The following CCDC178 variants were observed in gnomAD, a reference collection of about 807,000 sequenced individuals.
CCDC178 encodes coiled-coil domain containing 178, also known as coiled-coil domain-containing protein 178.
Under a neutral mutation model 117.4 loss-of-function variants are expected in CCDC178, and 126 were observed. That is an observed-to-expected ratio of 1.07 (90% CI 0.93 to 1.24). The LOEUF (loss-of-function observed/expected upper bound fraction) is 1.24, where lower values mean the gene tolerates loss of function less well. Among genes scored for constraint, CCDC178 ranks in the 50% most tolerant of loss-of-function variants. The pLI, the probability that CCDC178 is intolerant of heterozygous loss-of-function variation, is 0.00. For synonymous variants in CCDC178, 283 were observed against 313.4 expected, an observed-to-expected ratio of 0.90 and a Z score of 1.02; for missense variants, 1,030 against 986.9, an observed-to-expected ratio of 1.04 and a Z score of -0.59.
At chr18:33,114,079 C>T (rs1344045326) in intron 20 of CCDC178, among the ~76,000 whole-genome samples, 2 of 151,928 alleles carry the variant, frequency 1.3e-5, no homozygotes, top group African/African-American at 4.8e-5. Context: ...AGGAGATTGA[C>T]AAAAAAGAGA....
At chr18:33,163,488 A>AT (rs1333902064) in intron 20 of CCDC178, among the ~76,000 whole-genome samples, 2 of 152,136 alleles carry the variant, frequency 1.3e-5, no homozygotes, top group African/African-American at 4.8e-5. Flanking sequence ...ATCAGAATTC[A>AT]TTTTTCTCAT....
chr18:33,017,931 T>C (rs2056028510), intron 21 of CCDC178, among the ~76,000 whole-genome samples: 2 of 151,748 alleles, frequency 1.3e-5, no homozygotes, highest in Non-Finnish European at 2.9e-5. Flanking sequence ...AAAAGATAGA[T>C]TGAAACTCAA....
At chr18:33,262,251 A>T (rs1479659501) in intron 14 of CCDC178, among the ~76,000 whole-genome samples, 1 of 152,210 alleles carries the variant, frequency 6.6e-6, no homozygotes, top group African/African-American at 2.4e-5. Flanking sequence ...TTTTACATCT[A>T]ACATCTATCT....
intron 20 of CCDC178, among the ~76,000 whole-genome samples, chr18:33,102,646 T>C (rs142817797): frequency 6.6e-6 from 1 of 151,890 alleles, no homozygotes; most frequent in East Asian, 2.0e-4. Context: ...CCTGGTACTG[T>C]TGTTCACATT....
At chr18:32,973,581 C>T (rs142334554) in intron 22 of CCDC178, among the ~76,000 whole-genome samples, 87 of 152,188 alleles carry the variant, frequency 5.7e-4, no homozygotes, top group Admixed American at 2.6e-3. Flanking sequence ...CACACACACA[C>T]ACAATCCTCA....
chr18:33,071,823 C>T (rs1240476132), intron 21 of CCDC178, among the ~76,000 whole-genome samples: 5 of 152,060 alleles, frequency 3.3e-5, no homozygotes, highest in African/African-American at 7.2e-5. Context: ...CAGTCAACTG[C>T]TATTAGATAA....
At chr18:33,395,778 G>C (rs965967140) in intron 4 of CCDC178, among the ~76,000 whole-genome samples, 2 of 152,052 alleles carry the variant, frequency 1.3e-5, no homozygotes, top group Admixed American at 1.3e-4. Flanking sequence ...CAGAGTCAAA[G>C]TAATCAAACA....
intron 14 of CCDC178, among the ~76,000 whole-genome samples, chr18:33,247,130 CAGAG>C (rs2059560498): frequency 6.7e-6 from 1 of 149,592 alleles, no homozygotes; most frequent in Non-Finnish European, 1.5e-5. Context: ...GAGACAGAGA[CAGAG>C]AGAGAAAAGA....
chr18:33,203,770 C>T (rs1402248132), intron 20 of CCDC178, among the ~76,000 whole-genome samples: 2 of 152,202 alleles, frequency 1.3e-5, no homozygotes, highest in Non-Finnish European at 2.9e-5. Context: ...CACCTATCAT[C>T]CTCCTCATTG....
At chr18:33,301,582 G>A (rs1442845191) in intron 11 of CCDC178, among the ~76,000 whole-genome samples, 1 of 152,206 alleles carries the variant, frequency 6.6e-6, no homozygotes, top group Non-Finnish European at 1.5e-5. Context: ...AACTGTCAAG[G>A]TCTTAAAAAC....
chr18:33,047,894 G>T (rs1406987191), intron 21 of CCDC178, among the ~76,000 whole-genome samples: 2 of 152,276 alleles, frequency 1.3e-5, no homozygotes, highest in East Asian at 3.9e-4. Context: ...AAACATAAAA[G>T]ATCAACTTGG....
chr18:32,974,899 A>C (rs907488229), intron 21 of CCDC178, among the ~76,000 whole-genome samples: 1 of 152,110 alleles, frequency 6.6e-6, no homozygotes, highest in Non-Finnish European at 1.5e-5. Context: ...ATGGGGGGTT[A>C]ATTTTCTCTA....
intron 10 of CCDC178, among the ~76,000 whole-genome samples, chr18:33,325,704 C>A (rs1330201955): frequency 6.6e-6 from 1 of 152,058 alleles, no homozygotes; most frequent in African/African-American, 2.4e-5. Context: ...GGAATAATAT[C>A]TACATACAAG....
chr18:33,257,925 C>T (rs1052462370), intron 14 of CCDC178, among the ~76,000 whole-genome samples: 1 of 151,698 alleles, frequency 6.6e-6, no homozygotes, highest in Non-Finnish European at 1.5e-5. Context: ...CCTCTTCATA[C>T]CCTCTATAAG....
chr18:33,027,411 C>G (rs1429313695), intron 21 of CCDC178, among the ~76,000 whole-genome samples: 1 of 151,486 alleles, frequency 6.6e-6, no homozygotes, highest in Non-Finnish European at 1.5e-5. Flanking sequence ...GAAACAGCTA[C>G]AGTTAGAACT....
chr18:33,422,541 A>G (rs2064041171), intron 2 of CCDC178, among the ~76,000 whole-genome samples: 2 of 152,224 alleles, frequency 1.3e-5, no homozygotes, highest in Admixed American at 1.3e-4. Flanking sequence ...ACGGTTCAAA[A>G]TGGAAGGCAC....
intron 21 of CCDC178, among the ~76,000 whole-genome samples, chr18:33,066,805 C>T (rs2057024324): frequency 6.6e-6 from 1 of 152,120 alleles, no homozygotes; most frequent in Non-Finnish European, 1.5e-5. Flanking sequence ...GAGGATATCA[C>T]AATTCTATGT....
chr18:33,012,473 T>C (rs1439182061), intron 21 of CCDC178, among the ~76,000 whole-genome samples: 4 of 152,172 alleles, frequency 2.6e-5, no homozygotes, highest in Non-Finnish European at 5.9e-5. Context: ...TTAAAATATT[T>C]CAACTTTACC....
rs546739373 is a variant in CCDC178 at position 33,179,111 on chromosome 18, A to G, written c.2238+32785T>C. Among the ~76,000 whole-genome samples, 33 of 104,636 alleles carry G rather than the reference A, an allele frequency of 3.2e-4. 1 individual carries two copies. Among genetic ancestry groups the G allele is most frequent in the Admixed American group, 3.1e-3 (32 of 10,162 alleles). The allele number at this position is 104,636 out of a possible 152,430, so 68.6% of individuals were successfully genotyped here. Reference sequence around the variant, plus strand: ...TATATATATATATATATATATATAAACTATATATATATATATAAACTATAT... The same window carrying G: ...TATATATATATATATATATATATAAGCTATATATATATATATAAACTATAT... On this transcript the variant is annotated intron_variant, in intron 20 of 22. Coordinates refer to ENST00000383096, the MANE Select transcript of CCDC178 (RefSeq NM_001105528.4).
Sources: allele counts gnomAD v4.1 joint callset (sites outside exome capture counted in the v4.1 genomes callset), GRCh38; gene constraint gnomAD v4.1.1; transcripts MANE v1.5; gene names NCBI Gene and HGNC (gene_info 2026-07-23, HGNC 2026-07-21).